LRRC7: variants seen among roughly 807,000 people sequenced by gnomAD.
The protein encoded by LRRC7 is leucine-rich repeat-containing protein 7.
Under a neutral mutation model 175.7 loss-of-function variants are expected in LRRC7, and 23 were observed. The ratio of observed to expected loss-of-function variants is 0.13; its 90% CI spans 0.09 to 0.19. LRRC7 has a LOEUF of 0.19. LRRC7 is among the 10% of genes least tolerant of loss of function. The probability of loss-of-function intolerance (pLI) is 1.00; values close to 1 mark genes in which losing one functional copy is unlikely to be tolerated. For missense variants in LRRC7, 1,354 were observed against 1,904.7 expected, an observed-to-expected ratio of 0.71 and a Z score of 5.38; for synonymous variants, 685 against 680.9, an observed-to-expected ratio of 1.01 and a Z score of -0.09.
At chr1:69,838,462 G>C (rs982083295) in intron 7 of LRRC7, among the ~76,000 whole-genome samples, 179 bp downstream of exon 7, 1 of 151,836 alleles carries the variant, frequency 6.6e-6, no homozygotes, top group Non-Finnish European at 1.5e-5. Flanking sequence ...AATGTATTCT[G>C]TTTTATAAAA....
At chr1:69,647,246 G>C (rs992945140) in intron 1 of LRRC7, among the ~76,000 whole-genome samples, 4 of 152,120 alleles carry the variant, frequency 2.6e-5, no homozygotes, top group African/African-American at 7.2e-5. Context: ...TAAGGCCCAT[G>C]GGGTGGGCAT....
chr1:69,824,442 A>G (rs1290123000), intron 4 of LRRC7, among the ~76,000 whole-genome samples: 3 of 152,164 alleles, frequency 2.0e-5, no homozygotes, highest in Admixed American at 6.6e-5. Context: ...TTCATACACA[A>G]TGGAGCTCCC....
At chr1:70,112,375 C>A (rs1207562369) in intron 26 of LRRC7, among the ~76,000 whole-genome samples, 2 of 152,074 alleles carry the variant, frequency 1.3e-5, no homozygotes, top group Non-Finnish European at 2.9e-5. Context: ...CACTCCACAT[C>A]CTGATTAGTG....
rs567534636 is a variant in LRRC7 at position 69,594,195 on chromosome 1, C to T, written c.2+25554C>T. Among the ~76,000 whole-genome samples, 12 of 152,180 alleles carry T rather than the reference C, an allele frequency of 7.9e-5. No homozygotes were observed. The South Asian group carries it at 2.5e-3, about 32-fold the overall frequency. ...TCTAGTCTAAACAGATATACACAGA[C>T]ATTTTCCCTATTATTAGTAATTACC... On this transcript the variant is annotated intron_variant, in intron 1 of 26. Transcript: ENST00000651989.
rs1288027226 is a variant in LRRC7, at chr1:70,126,732, C to T, written c.*4845C>T. On this transcript the variant is annotated 3_prime_UTR_variant, in exon 27 of 27. Transcript: ENST00000651989. ...TACAGGAGATCCTGAGTGTCAGCTC[C>T]ATTTTGATCTAAACTGTTCAGGAAA... Among the ~76,000 whole-genome samples the T allele has an allele frequency of 1.3e-5, 2 of 152,148 alleles. No individual in the cohort carries two copies. The highest frequency in any genetic ancestry group is 4.8e-5 in the African/African-American group (2 of 41,432).
intron 1 of LRRC7, among the ~76,000 whole-genome samples, chr1:69,589,881 C>T (rs566805072): frequency 6.6e-6 from 1 of 152,226 alleles, no homozygotes; most frequent in South Asian, 2.1e-4. Flanking sequence ...TACATAATGT[C>T]CAGCTTTTGA....
chr1:69,920,588 C>T (rs1419248545), intron 7 of LRRC7, among the ~76,000 whole-genome samples: 1 of 152,112 alleles, frequency 6.6e-6, no homozygotes, highest in Non-Finnish European at 1.5e-5. Context: ...TGGGCCTCAA[C>T]CACTGGACTG....
chr1:69,640,303 CAATT>C (rs1420504673), intron 1 of LRRC7, among the ~76,000 whole-genome samples: 1 of 151,606 alleles, frequency 6.6e-6, no homozygotes, highest in Non-Finnish European at 1.5e-5. Flanking sequence ...ATATAACACA[CAATT>C]AATTCTTGAG....
intron 1 of LRRC7, among the ~76,000 whole-genome samples, chr1:69,599,252 G>T: frequency 6.6e-6 from 1 of 152,060 alleles, no homozygotes; most frequent in East Asian, 1.9e-4. Context: ...TTTTCCTTTT[G>T]TTCCATGTGC....
chr1:70,080,908 A>G (rs1306374637), intron 24 of LRRC7, among the ~76,000 whole-genome samples: 1 of 152,200 alleles, frequency 6.6e-6, no homozygotes, highest in African/African-American at 2.4e-5. Context: ...TATTCATCCT[A>G]TTAGATCTCT....
At chr1:69,744,145 A>G (rs1669013421) in intron 2 of LRRC7, among the ~76,000 whole-genome samples, 1 of 151,884 alleles carries the variant, frequency 6.6e-6, no homozygotes, top group Non-Finnish European at 1.5e-5. Context: ...AAATATAAAT[A>G]AAATGCTTAA....
At chr1:70,099,107 A>G (rs1483037876) in intron 25 of LRRC7, among the ~76,000 whole-genome samples, 23 of 146,338 alleles carry the variant, frequency 1.6e-4, no homozygotes, top group Non-Finnish European at 3.2e-4. Flanking sequence ...GCAGCACATC[A>G]AAAAGCTTAT....
chr1:70,114,076 C>T (rs1218884813), intron 26 of LRRC7, among the ~76,000 whole-genome samples: 1 of 151,684 alleles, frequency 6.6e-6, no homozygotes, highest in Non-Finnish European at 1.5e-5. Flanking sequence ...AAAAAAAAAC[C>T]TGAAGAGTGA....
At chr1:69,738,011 C>T (rs978036745) in intron 2 of LRRC7, among the ~76,000 whole-genome samples, 3 of 152,020 alleles carry the variant, frequency 2.0e-5, no homozygotes, top group Non-Finnish European at 4.4e-5. Context: ...TTGCACTTGT[C>T]AAATAGGAAA....
chr1:69,979,897 T>C (rs141108078), intron 8 of LRRC7, among the ~76,000 whole-genome samples: 1 of 151,560 alleles, frequency 6.6e-6, no homozygotes, highest in African/African-American at 2.4e-5. Context: ...TATTATCTCA[T>C]CACAGTTCTG....
At chr1:69,773,902 C>A (rs1672521854) in intron 3 of LRRC7, among the ~76,000 whole-genome samples, 1 of 152,066 alleles carries the variant, frequency 6.6e-6, no homozygotes, top group African/African-American at 2.4e-5. Context: ...ACTTGTTATC[C>A]CTGCTACTGG....
intron 2 of LRRC7, among the ~76,000 whole-genome samples, chr1:69,743,362 T>C (rs952410808): frequency 6.6e-6 from 1 of 152,016 alleles, no homozygotes; most frequent in Admixed American, 6.6e-5. Context: ...TGATGATTGA[T>C]TTCTCCAAGA....
intron 2 of LRRC7, among the ~76,000 whole-genome samples, chr1:69,751,743 T>C (rs1190381903): frequency 6.6e-6 from 1 of 152,182 alleles, no homozygotes; most frequent in Non-Finnish European, 1.5e-5. Flanking sequence ...CGAAAATTCC[T>C]GTGAAGACCA....
chr1:69,853,279 T>TTTC, intron 7 of LRRC7, among the ~76,000 whole-genome samples: 1 of 135,256 alleles, frequency 7.4e-6, no homozygotes, highest in Admixed American at 7.4e-5. Flanking sequence ...TCTTTTTTTT[T>TTTC]TTTTTTTTTT....
Sources: allele counts gnomAD v4.1 joint callset (sites outside exome capture counted in the v4.1 genomes callset), GRCh38; gene constraint gnomAD v4.1.1; transcripts MANE v1.5; gene names NCBI Gene and HGNC (gene_info 2026-07-23, HGNC 2026-07-21).